Variants in NEMP2 observed in about 807,000 individuals in gnomAD.
NEMP2 encodes nuclear envelope integral membrane protein 2.
NEMP2 carries 53 observed loss-of-function variants against 54.2 expected under a neutral mutation model. That is an observed-to-expected ratio of 0.98 (90% CI 0.78 to 1.23). The LOEUF is 1.23. Ranked by LOEUF, NEMP2 falls within the 50% of genes most tolerant of loss-of-function variation. NEMP2 has a pLI of 0.00. For synonymous variants in NEMP2, 197 were observed against 190.3 expected, an observed-to-expected ratio of 1.04 and a Z score of -0.29; for missense variants, 455 against 511.3, an observed-to-expected ratio of 0.89 and a Z score of 1.06.
chr2:190,455,934 C>CTTTTTTTTTTTTTTTTTT, the NEMP2 span, among the ~76,000 whole-genome samples: 1 of 65,370 alleles, frequency 1.5e-5, no homozygotes, highest in African/African-American at 6.6e-5. Context: ...ATTTACTCTG[C>CTTTTTTTTTTTTTTTTTT]TTTTTTTTTT....
At chr2:190,497,758 C>T in the NEMP2 span, 1 of 1,569,968 alleles carries the variant, frequency 6.4e-7, no homozygotes, top group Non-Finnish European at 8.7e-7. This position sits in a 1 kb window ranked among gnomAD's most constrained non-coding sequence, Gnocchi z 5.2. Flanking sequence ...TTACCTGTCA[C>T]TCAAGATACC....
the NEMP2 span, among the ~76,000 whole-genome samples, chr2:190,486,522 A>G: frequency 1.3e-5 from 2 of 152,152 alleles, no homozygotes; most frequent in Non-Finnish European, 2.9e-5. Flanking sequence ...TCAGACTCTC[A>G]TCAGTCAGTA....
the NEMP2 span, among the ~76,000 whole-genome samples, chr2:190,453,886 AATT>A: frequency 6.6e-6 from 1 of 152,186 alleles, no homozygotes; most frequent in Non-Finnish European, 1.5e-5. Context: ...CAAACAAATC[AATT>A]ATTATCATAC....
Position 190,509,216 on chromosome 2 carries a change from C to T in NEMP2, c.1227G>A (p.Glu409=). ...QYGLGGAFLE[E]QLFNPSTA ...AGGCAGTACTCGGGTTAAAGAGCTG[C>T]TCTTCCAAGAAGGCACCCCCAAGGC... is the stretch of plus-strand genomic sequence containing the variant. The change falls in exon 9 of 9, where the codon GAG becomes GAA. Residue 409 remains glutamate, a synonymous_variant. Coordinates refer to ENST00000409150, the MANE Select transcript of NEMP2 (RefSeq NM_001142645.2). This position sits in a 1 kb window ranked among gnomAD's most constrained non-coding sequence, Gnocchi z 6.1. 6.4e-7 allele frequency: 1 copy of T among 1,551,724 alleles called. No homozygotes were observed. Among genetic ancestry groups the T allele is most frequent in the Non-Finnish European group, 8.7e-7 (1 of 1,146,998 alleles).
rs778413626 is a variant in NEMP2 at position 190,518,949 on chromosome 2, T to G, written c.445+3A>C. 45 of 1,545,956 alleles carry G rather than the reference T, an allele frequency of 2.9e-5. No individual in the cohort carries two copies. In the South Asian group the frequency reaches 5.1e-4, roughly 18 times the overall value. ...AAGTCAAGTATAATAAAATCGGACTTACTGTTTCGATTCACATGTATCATA... is the reference window on the plus strand; with the variant it reads ...AAGTCAAGTATAATAAAATCGGACTGACTGTTTCGATTCACATGTATCATA... On this transcript the variant is annotated splice_donor_region_variant and intron_variant, in intron 3 of 8. Transcript: ENST00000409150.
At chr2:190,438,802 C>G in the NEMP2 span, among the ~76,000 whole-genome samples, 15 of 152,270 alleles carry the variant, frequency 9.9e-5, no homozygotes, top group Non-Finnish European at 1.9e-4. This position sits in a 1 kb window ranked among gnomAD's most constrained non-coding sequence, Gnocchi z 5.2. Flanking sequence ...TTTGACAATC[C>G]TTTATTTCCT....
the NEMP2 span, among the ~76,000 whole-genome samples, chr2:190,644,734 C>G: frequency 0.74 from 111,661 of 151,700 alleles, 41,212 homozygotes; most frequent in South Asian, 0.84. This position sits in a 1 kb window ranked among gnomAD's most constrained non-coding sequence, Gnocchi z 4.4. Flanking sequence ...ACAGACAGCG[C>G]GGTCTACTTG....
the NEMP2 span, among the ~76,000 whole-genome samples, chr2:190,425,996 A>G: frequency 2.6e-5 from 4 of 151,782 alleles, no homozygotes; most frequent in Non-Finnish European, 5.9e-5. The surrounding 1 kb of genome is among the most constrained non-coding windows in gnomAD (Gnocchi z 4.3). Flanking sequence ...CCTTGCCTTT[A>G]GTTTTTAGAA....
rs998243544 is a variant in NEMP2, at chr2:190,530,354, C to T, written c.97+4205G>A. Among the ~76,000 whole-genome samples, 1 of 152,170 alleles carries T rather than the reference C, an allele frequency of 6.6e-6. No individual in the cohort carries two copies. The highest frequency in any genetic ancestry group is 1.5e-5 in the Non-Finnish European group (1 of 68,018). On this transcript the variant is annotated intron_variant, in intron 1 of 8. Transcript: ENST00000409150. This position sits in a 1 kb window ranked among gnomAD's most constrained non-coding sequence, Gnocchi z 4.6. ...TGCTTCATGGTGTCCTCTGGCTGCC[C>T]TTTTTTCTTATCACCTCTCTCCCGA...
upstream of NEMP2, among the ~76,000 whole-genome samples, chr2:190,538,590 C>T (rs928585965): frequency 6.6e-6 from 1 of 151,926 alleles, no homozygotes; most frequent in African/African-American, 2.4e-5. This position sits in a 1 kb window ranked among gnomAD's most constrained non-coding sequence, Gnocchi z 4.1. Flanking sequence ...CAACAGTGCA[C>T]AAGTATTCCC....
the NEMP2 span, among the ~76,000 whole-genome samples, chr2:190,596,185 T>A: frequency 6.6e-6 from 1 of 152,006 alleles, no homozygotes; most frequent in Non-Finnish European, 1.5e-5. This position sits in a 1 kb window ranked among gnomAD's most constrained non-coding sequence, Gnocchi z 5.1. Flanking sequence ...CACTCATAAG[T>A]GGGAGTTGAA....
chr2:190,484,496 T>A, the NEMP2 span, among the ~76,000 whole-genome samples: 4 of 152,242 alleles, frequency 2.6e-5, no homozygotes, highest in African/African-American at 9.6e-5. Flanking sequence ...TTCCTAAGAC[T>A]TCCTAAATCT....
chr2:190,633,800 G>A, the NEMP2 span, among the ~76,000 whole-genome samples: 4 of 152,194 alleles, frequency 2.6e-5, no homozygotes, highest in African/African-American at 4.8e-5. Context: ...GCCAGGTACT[G>A]TGGTTCACAC....
chr2:190,604,624 C>G, the NEMP2 span, among the ~76,000 whole-genome samples: 1 of 151,912 alleles, frequency 6.6e-6, no homozygotes, highest in Non-Finnish European at 1.5e-5. This position sits in a 1 kb window ranked among gnomAD's most constrained non-coding sequence, Gnocchi z 4.5. Flanking sequence ...TTCTCAAGGT[C>G]ACAGCACTAA....
upstream of NEMP2, among the ~76,000 whole-genome samples, chr2:190,539,596 A>G (rs577220549): frequency 1.3e-5 from 2 of 152,218 alleles, no homozygotes; most frequent in South Asian, 4.1e-4. The surrounding 1 kb of genome is among the most constrained non-coding windows in gnomAD (Gnocchi z 4.1). Flanking sequence ...AATTTCTTTC[A>G]TCAGTGTTTT....
rs1274183569 is a variant in NEMP2, at chr2:190,533,571, G to C, written c.97+988C>G. 6.6e-6 allele frequency among the ~76,000 whole-genome samples: 1 copy of C among 152,166 alleles called. No homozygotes were observed. Among genetic ancestry groups the C allele is most frequent in the East Asian group, 1.9e-4 (1 of 5,200 alleles). ...TGCAAGATTCCCTCAGTTGGGAGCT[G>C]TGGCAGAATCTGATAATGACCTCAT... is the stretch of plus-strand genomic sequence containing the variant. On this transcript the variant is annotated intron_variant, in intron 1 of 8. Coordinates refer to ENST00000409150, the MANE Select transcript of NEMP2 (RefSeq NM_001142645.2). This position sits in a 1 kb window ranked among gnomAD's most constrained non-coding sequence, Gnocchi z 4.3.
rs557231371 is a variant in NEMP2 at position 190,527,722 on chromosome 2, G to A, written c.98-2344C>T. ...AGGAACAGGGCTGCAGGAGGTGAGC[G>A]GTGCGCGAGGCGAGTGATCATTACC... On this transcript the variant is annotated intron_variant, in intron 1 of 8. Coordinates refer to ENST00000409150, the MANE Select transcript of NEMP2 (RefSeq NM_001142645.2). The surrounding 1 kb of genome is among the most constrained non-coding windows in gnomAD (Gnocchi z 4.0). Among the ~76,000 whole-genome samples the A allele has an allele frequency of 2.6e-5, 4 of 152,202 alleles. No individual in the cohort carries two copies. The highest frequency in any genetic ancestry group is 3.9e-4 in the East Asian group (2 of 5,168).
At chr2:190,534,001 G>A (rs1574323310) in intron 1 of NEMP2, 2 of 985,310 alleles carry the variant, frequency 2.0e-6, no homozygotes, top group Non-Finnish European at 1.2e-6. Context: ...AACCTTGTGA[G>A]GCCTCATTAC....
chr2:190,499,892 T>C (rs564314465), downstream of NEMP2: 15 of 1,564,278 alleles, frequency 9.6e-6, no homozygotes, highest in African/African-American at 1.4e-5. This position sits in a 1 kb window ranked among gnomAD's most constrained non-coding sequence, Gnocchi z 6.0. Context: ...TATTACTTGG[T>C]CCCTGAAATG....
Sources: gnomAD v4.1 joint callset for allele counts (sites outside exome capture counted in the v4.1 genomes callset) on GRCh38, gnomAD v4.1.1 for gene constraint, Gnocchi (gnomAD v3.1) non-coding constraint, MANE v1.5 for transcripts, NCBI Gene and HGNC (gene_info 2026-07-23, HGNC 2026-07-21) for gene names.